Variants in SYNE2 observed in about 807,000 individuals in gnomAD.
SYNE2 encodes the protein nesprin-2.
Under a neutral mutation model 856.3 loss-of-function variants are expected in SYNE2, and 431 were observed. The observed-to-expected ratio is 0.50, with a 90% confidence interval of 0.47 to 0.55. The LOEUF is 0.55. Ranked by LOEUF, SYNE2 falls within the 20% of genes least tolerant of loss-of-function variation. SYNE2 has a pLI of 0.00. For synonymous variants in SYNE2, 2,923 were observed against 2,872.3 expected, an observed-to-expected ratio of 1.02 and a Z score of -0.56; for missense variants, 8,129 against 8,023.2, an observed-to-expected ratio of 1.01 and a Z score of -0.50.
chr14:64,052,031 A>G lies in SYNE2; in HGVS notation c.8118A>G (p.Ile2706Met). ...EKEKKNLEDG[I>M]NNLKKQWETL... Reference sequence around the variant, plus strand: ...AAAAGAAGAATTTGGAGGATGGAATAAATAACTTGAAGAAACAATGGGAAA... The same window carrying G: ...AAAAGAAGAATTTGGAGGATGGAATGAATAACTTGAAGAAACAATGGGAAA... Residue 2706 changes from isoleucine to methionine, a missense_variant, in exon 48 of 116, where the codon ATA becomes ATG. By Grantham distance (10) the Ile-to-Met change is conservative. This residue lies in a region of SYNE2 where 5,410 missense variants were observed against 5,284.8 expected (regional missense o/e 1.02). Coordinates refer to ENST00000555002, the MANE Select transcript of SYNE2 (RefSeq NM_182914.3). The G allele has an allele frequency of 1.9e-6, 3 of 1,613,818 alleles. No individual in the cohort carries two copies. Among genetic ancestry groups the G allele is most frequent in the Non-Finnish European group, 2.5e-6 (3 of 1,179,976 alleles).
At chr14:64,138,016 T>C (rs369033819) in intron 79 of SYNE2, 33 bp downstream of exon 79, 737 of 1,599,168 alleles carry the variant, frequency 4.6e-4, no homozygotes, top group Non-Finnish European at 5.3e-4. Flanking sequence ...TGGCTTCATA[T>C]TGTGCTGTGA....
At chr14:63,962,208 AC>A (rs1350153182) in intron 9 of SYNE2, among the ~76,000 whole-genome samples, 22 of 151,842 alleles carry the variant, frequency 1.4e-4, no homozygotes, top group Admixed American at 6.6e-4. Context: ...GGCATGTGCC[AC>A]CATACCCGGC....
intron 45 of SYNE2, among the ~76,000 whole-genome samples, chr14:64,036,402 C>T (rs1325706600): frequency 6.6e-6 from 1 of 152,164 alleles, no homozygotes; most frequent in East Asian, 1.9e-4. Flanking sequence ...CCTCCCACCT[C>T]TGCCTCCTGA....
intron 21 of SYNE2, among the ~76,000 whole-genome samples, chr14:63,992,846 C>G (rs1302998160): frequency 1.3e-5 from 2 of 152,098 alleles, no homozygotes; most frequent in Non-Finnish European, 2.9e-5. Flanking sequence ...GGAGGAGAGC[C>G]CTGGAGCTCA....
At chr14:64,047,460 C>T (rs536834975) in intron 45 of SYNE2, among the ~76,000 whole-genome samples, 16 of 152,252 alleles carry the variant, frequency 1.1e-4, no homozygotes, top group East Asian at 5.8e-4. Context: ...GTTCTCAGTC[C>T]GGTCCTAGGA....
At chr14:64,140,191 G>A in intron 80 of SYNE2, 118 bp downstream of exon 80, 1 of 952,842 alleles carries the variant, frequency 1.0e-6, no homozygotes, top group South Asian at 1.3e-5. Flanking sequence ...GTAAGACTTG[G>A]GCGAATGGCA....
chr14:63,891,239 GTTT>G, intron 1 of SYNE2, among the ~76,000 whole-genome samples: 1 of 152,198 alleles, frequency 6.6e-6, no homozygotes, highest in East Asian at 1.9e-4. Flanking sequence ...AAAAAAAACA[GTTT>G]TAATTACTTA....
At chr14:64,164,946 G>A (rs1453940369) in intron 89 of SYNE2, among the ~76,000 whole-genome samples, 4 of 151,984 alleles carry the variant, frequency 2.6e-5, no homozygotes, top group African/African-American at 9.7e-5. Flanking sequence ...GGCGTGCAGT[G>A]GCATAATTAC....
chr14:63,923,745 G>T (rs2095627788), intron 2 of SYNE2, among the ~76,000 whole-genome samples: 1 of 151,906 alleles, frequency 6.6e-6, no homozygotes, highest in South Asian at 2.1e-4. Flanking sequence ...TAAAGCATAT[G>T]ATTTAGTAGT....
chr14:63,904,431 T>G (rs146771633), intron 1 of SYNE2, among the ~76,000 whole-genome samples: 33 of 152,300 alleles, frequency 2.2e-4, no homozygotes, highest in Non-Finnish European at 4.6e-4. Flanking sequence ...TAATTTACTT[T>G]CCCACTGACA....
rs11158530 is a variant in SYNE2 at position 64,126,160 on chromosome 14, G to A, written c.13555-167G>A. 0.028 allele frequency among the ~76,000 whole-genome samples: 4,326 copies of A among 152,192 alleles called. 223 individuals carry two copies. The highest frequency in any genetic ancestry group is 0.099 in the African/African-American group (4,092 of 41,526). ...CTCATTTTTCTCCAAGTTTAACATCGTAAGTTTATTTATTTGTTCTGCTAC... is the reference window on the plus strand; with the variant it reads ...CTCATTTTTCTCCAAGTTTAACATCATAAGTTTATTTATTTGTTCTGCTAC... On this transcript the variant is annotated intron_variant, in intron 71 of 115. Coordinates refer to ENST00000555002, the MANE Select transcript of SYNE2 (RefSeq NM_182914.3).
Position 64,126,765 on chromosome 14 carries a change from C to T in SYNE2, c.13875C>T (p.Ser4625=), listed in dbSNP as rs762342233. The change falls in exon 73 of 116, where the codon AGC becomes AGT. Residue 4625 remains serine, a synonymous_variant. Coordinates refer to ENST00000555002, the MANE Select transcript of SYNE2 (RefSeq NM_182914.3). The stretch of plus-strand genomic sequence containing the variant: ...CTCAGGCTGCAGCTGTCTGTAGAAG[C>T]AAGTCCCTGAAAGCTGGCCTCGATT... ...EHTQAAAVCR[S]KSLKAGLDYN... The T allele has an allele frequency of 9.9e-6, 16 of 1,613,820 alleles. No homozygotes were observed. Among genetic ancestry groups the T allele is most frequent in the Non-Finnish European group, 1.4e-5 (16 of 1,180,038 alleles).
chr14:63,975,449 C>T (rs2096534750), intron 11 of SYNE2, among the ~76,000 whole-genome samples: 1 of 152,176 alleles, frequency 6.6e-6, no homozygotes, highest in South Asian at 2.1e-4. Context: ...CCTCCCACCT[C>T]AGTCTCTTGA....
intron 1 of SYNE2, among the ~76,000 whole-genome samples, chr14:63,898,322 C>T (rs778326613): frequency 2.6e-5 from 4 of 152,212 alleles, no homozygotes. Flanking sequence ...ATTCAATGCC[C>T]AGTCCCTGTT....
chr14:63,907,272 A>G (rs1308486859), intron 1 of SYNE2, among the ~76,000 whole-genome samples: 1 of 152,246 alleles, frequency 6.6e-6, no homozygotes, highest in South Asian at 2.1e-4. Context: ...GTGCAAATGA[A>G]TGAAAACAAA....
At chr14:63,769,959 G>T (rs1304980841) in intron 1 of SYNE2, among the ~76,000 whole-genome samples, 1 of 151,964 alleles carries the variant, frequency 6.6e-6, no homozygotes, top group East Asian at 2.0e-4. Context: ...CTGTTGTCCT[G>T]ACTGGAGTGC....
chr14:64,135,537 G>C (rs1408044597), intron 78 of SYNE2, among the ~76,000 whole-genome samples: 1 of 152,134 alleles, frequency 6.6e-6, no homozygotes, highest in Non-Finnish European at 1.5e-5. Context: ...CTCTTTGTTA[G>C]TCTAGGGATA....
chr14:63,771,916 A>G (rs1157649085), intron 1 of SYNE2, among the ~76,000 whole-genome samples: 13 of 152,212 alleles, frequency 8.5e-5, no homozygotes, highest in Admixed American at 8.5e-4. Flanking sequence ...AAACAAAAAC[A>G]AAAACTAAAA....
At chr14:64,069,153 G>A (rs1254006689) in intron 51 of SYNE2, among the ~76,000 whole-genome samples, 5 of 152,130 alleles carry the variant, frequency 3.3e-5, no homozygotes, top group Non-Finnish European at 7.4e-5. Context: ...ACCAAGAGGT[G>A]CCCCATTAAA....
Sources: gnomAD v4.1 joint callset for allele counts (sites outside exome capture counted in the v4.1 genomes callset) on GRCh38, gnomAD v4.1.1 for gene constraint, gnomAD v4.1.1 regional missense constraint, MANE v1.5 for transcripts, NCBI Gene and HGNC (gene_info 2026-07-23, HGNC 2026-07-21) for gene names.